C16orf96: variants seen among roughly 807,000 people sequenced by gnomAD.
C16orf96 encodes the protein chromosome 16 open reading frame 96.
A neutral mutation model predicts 103.6 loss-of-function variants in C16orf96; 108 were observed. The observed-to-expected ratio is 1.04, with a 90% CI of 0.89 to 1.22. The LOEUF (loss-of-function observed/expected upper bound fraction) is 1.22, where lower values mean the gene tolerates loss of function less well. Among genes scored for constraint, C16orf96 ranks in the 50% most tolerant of loss-of-function variants. C16orf96 has a pLI of 0.00. For synonymous variants in C16orf96, 566 were observed against 593.5 expected (o/e 0.95, Z 0.67); for missense variants, 1,586 against 1,464.2 (o/e 1.08, Z -1.36).
the C16orf96 span, among the ~76,000 whole-genome samples, chr16:4,541,777 T>G: frequency 6.6e-6 from 1 of 152,216 alleles, no homozygotes; most frequent in Non-Finnish European, 1.5e-5. Flanking sequence ...CTCAGTTAGC[T>G]TGGTGCAGGC....
intron 1 of C16orf96, chr16:4,561,788 C>G (rs2059334321): frequency 6.6e-6 from 1 of 152,192 alleles, no homozygotes; most frequent in Non-Finnish European, 1.5e-5. Flanking sequence ...TGTCTGCACC[C>G]ACCAACTAGT....
Position 4,580,119 on chromosome 16 carries a change from G to C in C16orf96, c.2346G>C (p.Glu782Asp). The C allele has an allele frequency of 6.5e-7, 1 of 1,528,608 alleles. No homozygotes were observed. Among genetic ancestry groups the C allele is most frequent in the East Asian group, 2.5e-5 (1 of 39,836 alleles). 94.7% of individuals were successfully genotyped at this position (1,528,608 alleles called of 1,614,324 possible). A position where few individuals can be genotyped will look rare whatever the true frequency, so the allele number is the denominator to read the frequency against. Reference protein sequence around the residue: ...AVENLQIRMDEFKTLQAQIKR... With the variant: ...AVENLQIRMDDFKTLQAQIKR... ...AGAACCTGCAGATTCGCATGGATGA[G>C]TTCAAGGTTAGGAGGACTGGGTAGG... The change falls in exon 7 of 16, where the codon GAG (glutamate) becomes GAC (aspartate). Residue 782 changes from glutamate to aspartate, a missense_variant. Glu to Asp is a conservative substitution (Grantham distance 45, BLOSUM62 2). Coordinates refer to ENST00000444310, the MANE Select transcript of C16orf96 (RefSeq NM_001145011.2).
intron 2 of C16orf96, among the ~76,000 whole-genome samples, chr16:4,574,311 C>T (rs948227248): frequency 6.6e-6 from 1 of 152,154 alleles, no homozygotes; most frequent in African/African-American, 2.4e-5. Flanking sequence ...CAACCTCTGC[C>T]TCCTGGATTC....
intron 1 of C16orf96, among the ~76,000 whole-genome samples, chr16:4,564,784 C>G (rs370333071): frequency 1.3e-5 from 2 of 152,182 alleles, no homozygotes; most frequent in African/African-American, 4.8e-5. Context: ...GCACTCCAGC[C>G]TGAGCGACAG....
At position 4,587,025 on chromosome 16, in the gene C16orf96, G is replaced by A. The variant is rs1896942649; in HGVS notation, c.2353-14G>A. ...TCTCCAGGATGGCAGACATGCCTGT[G>A]CTTCTGTTCTTAGACTCTCCAGGCT... On this transcript the variant is annotated splice_polypyrimidine_tract_variant and intron_variant, in intron 7 of 15. Coordinates refer to ENST00000444310, the MANE Select transcript of C16orf96 (RefSeq NM_001145011.2). 6.4e-7 allele frequency: 1 copy of A among 1,550,634 alleles called. No homozygotes were observed.
chr16:4,575,055 C>A lies in C16orf96; in HGVS notation c.690C>A (p.Thr230=). Residue 230 remains threonine, a synonymous_variant, in exon 4 of 16, where the codon ACC becomes ACA. Transcript: ENST00000444310. Reference sequence around the variant, plus strand: ...GTGGCCTTCATGATGCCATGTTCACCTCAGTGAGTGAGGAAGGAAGGGGAG... The same window carrying A: ...GTGGCCTTCATGATGCCATGTTCACATCAGTGAGTGAGGAAGGAAGGGGAG... ...LWSGLHDAMF[T]SEIGSSPLDL... 6.4e-7 allele frequency: 1 copy of A among 1,551,450 alleles called. No homozygotes were observed. The highest frequency in any genetic ancestry group is 8.7e-7 in the Non-Finnish European group (1 of 1,146,996).
upstream of C16orf96, among the ~76,000 whole-genome samples, chr16:4,554,655 A>T (rs1267072784): frequency 6.7e-6 from 1 of 148,538 alleles, no homozygotes; most frequent in Admixed American, 6.7e-5. Flanking sequence ...CACCCAGCCT[A>T]TCGCCCTTCT....
intron 8 of C16orf96, 132 bp from the exon 9 acceptor site, chr16:4,588,035 G>T (rs1896969783): frequency 2.4e-6 from 2 of 818,212 alleles, no homozygotes; most frequent in Admixed American, 3.0e-5. Flanking sequence ...AGACCCCAGG[G>T]TTGCATTTAA....
chr16:4,574,759 C>G lies in C16orf96; in HGVS notation c.576C>G (p.Asn192Lys). The G allele has an allele frequency of 6.4e-7, 1 of 1,551,880 alleles. No individual in the cohort carries two copies. Among genetic ancestry groups the G allele is most frequent in the Middle Eastern group, 1.7e-4 (1 of 5,994 alleles). Residue 192 changes from asparagine to lysine, a missense_variant, in exon 3 of 16, where the codon AAC becomes AAG. By Grantham distance (94) the Asn-to-Lys change is moderately conservative. Coordinates refer to ENST00000444310, the MANE Select transcript of C16orf96 (RefSeq NM_001145011.2). ...DIFAEDFKIQ[N>K]WKMVALQREV... ...TTGCTGAAGACTTCAAAATACAGAA[C>G]TGGAAGATGGTTGCACTGCAGCGGG... is the stretch of plus-strand genomic sequence containing the variant.
upstream of C16orf96, among the ~76,000 whole-genome samples, chr16:4,554,799 C>T (rs1567434157): frequency 1.3e-5 from 2 of 152,022 alleles, no homozygotes; most frequent in Middle Eastern, 3.4e-3. Context: ...TACAGGCACG[C>T]ACCACCATGC....
intron 5 of C16orf96, 38 bp downstream of exon 5, chr16:4,576,673 T>A: frequency 6.6e-7 from 1 of 1,506,684 alleles, no homozygotes; most frequent in Admixed American, 2.1e-5. Context: ...CACAAGGGAG[T>A]GGGGCTCTCC....
rs1357958989 is a variant in C16orf96 at position 4,600,708 on chromosome 16, G to A, written c.*391G>A. The A allele has an allele frequency of 2.4e-5, 5 of 207,262 alleles. No individual in the cohort carries two copies. The highest frequency in any genetic ancestry group is 4.6e-5 in the African/African-American group (2 of 43,316). 12.8% of individuals were successfully genotyped at this position (207,262 alleles called of 1,614,324 possible). On this transcript the variant is annotated 3_prime_UTR_variant, in exon 16 of 16. Transcript: ENST00000444310. ...TGTGCATATAAATACAAACAGCACA[G>A]TGCACATTCTCATTCTACATTGTCA...
Position 4,575,953 on chromosome 16 carries a change from T to C in C16orf96, c.1473T>C (p.Asp491=), listed in dbSNP as rs965250777. The C allele has an allele frequency of 6.5e-7, 1 of 1,545,312 alleles. No individual in the cohort carries two copies. The highest frequency in any genetic ancestry group is 8.7e-7 in the Non-Finnish European group (1 of 1,144,696). ...DRTRKDGVPK[D]RGGKDVDPKD... is the part of the protein sequence containing the mutation. ...CTCGCAAGGATGGGGTCCCCAAAGA[T>C]AGAGGTGGCAAGGATGTGGACCCCA... Residue 491 remains aspartate (D), a synonymous_variant, in exon 5 of 16, where the codon GAT becomes GAC. Coordinates refer to ENST00000444310, the MANE Select transcript of C16orf96 (RefSeq NM_001145011.2).
intron 9 of C16orf96, among the ~76,000 whole-genome samples, chr16:4,590,923 T>A (rs1897044620): frequency 6.6e-6 from 1 of 151,292 alleles, no homozygotes; most frequent in Non-Finnish European, 1.5e-5. Context: ...TCCCAGCTAC[T>A]TGGGAGGCTG....
At chr16:4,555,269 TACACACACACACACAC>T (rs71139639), upstream of C16orf96, among the ~76,000 whole-genome samples, 58 of 145,642 alleles carry the variant, frequency 4.0e-4, no homozygotes, top group South Asian at 1.1e-3. Context: ...TCACACACAC[TACACACACACACACAC>T]ACACACACAC....
At chr16:4,579,096 T>A (rs1259733575) in intron 6 of C16orf96, 71 bp downstream of exon 6, 1 of 1,333,164 alleles carries the variant, frequency 7.5e-7, no homozygotes, top group Admixed American at 2.0e-5. Flanking sequence ...ACTCCTTGAC[T>A]CTGCCCCCCT....
At chr16:4,557,949 C>T (rs771152894) in intron 1 of C16orf96, among the ~76,000 whole-genome samples, 4 of 152,130 alleles carry the variant, frequency 2.6e-5, no homozygotes, top group Non-Finnish European at 4.4e-5. Context: ...GGATTAGAAG[C>T]GTGAGCTACT....
chr16:4,576,721 G>A, intron 5 of C16orf96, 86 bp downstream of exon 5: 3 of 1,307,448 alleles, frequency 2.3e-6, no homozygotes, highest in Non-Finnish European at 3.1e-6. Flanking sequence ...CCTTCACTGG[G>A]CTCCACCAAC....
the C16orf96 span, among the ~76,000 whole-genome samples, chr16:4,550,284 C>T: frequency 2.0e-5 from 3 of 152,048 alleles, no homozygotes; most frequent in Non-Finnish European, 4.4e-5. Flanking sequence ...AGGGTTTCAT[C>T]ATGTTGGACA....
Sources: gnomAD v4.1 joint callset for allele counts (sites outside exome capture counted in the v4.1 genomes callset) on GRCh38, gnomAD v4.1.1 for gene constraint, MANE v1.5 for transcripts, NCBI Gene and HGNC (gene_info 2026-07-23, HGNC 2026-07-21) for gene names.